Variants in FAM24B observed in about 807,000 individuals in gnomAD.
The protein encoded by FAM24B is family with sequence similarity 24 member B, also known as protein FAM24B.
A neutral mutation model predicts 2.3 loss-of-function variants in FAM24B; 3 were observed. The ratio of observed to expected loss-of-function variants is 1.29; its 90% CI spans 0.59 to 3.32. The LOEUF (loss-of-function observed/expected upper bound fraction) is 3.32. FAM24B is among the 30% of genes most tolerant of loss of function. The probability of loss-of-function intolerance (pLI) is 0.03; values close to 1 mark genes in which losing one functional copy is unlikely to be tolerated. For missense variants in FAM24B, 98 were observed against 117.2 expected (o/e 0.84, Z 0.76); for synonymous variants, 36 against 46.3 (o/e 0.78, Z 0.90).
Position 122,855,766 on chromosome 10 carries a change from A to G in FAM24B, c.-157T>C, listed in dbSNP as rs1847627963. The G allele has an allele frequency of 1.3e-5, 2 of 152,190 alleles. No homozygotes were observed. The highest frequency in any genetic ancestry group is 2.9e-5 in the Non-Finnish European group (2 of 68,050). The allele number at this position is 152,190 out of a possible 1,614,324, so 9.4% of individuals were successfully genotyped here. A position where few individuals can be genotyped will look rare whatever the true frequency, so the allele number is the denominator to read the frequency against. ...CAGGGTCTTCCAACTGCAGCTTCCC[A>G]TCTCACCACTTCTAAGGCAACTGGA... On this transcript the variant is annotated 5_prime_UTR_variant, in exon 2 of 4. It removes an upstream start codon present in the reference 5' UTR. Coordinates refer to ENST00000368898, the MANE Select transcript of FAM24B (RefSeq NM_152644.3).
chr10:122,851,050 T>C (rs1847526959), intron 2 of FAM24B, among the ~76,000 whole-genome samples: 2 of 152,238 alleles, frequency 1.3e-5, no homozygotes, highest in South Asian at 4.1e-4. Flanking sequence ...TTGTAAATGA[T>C]GCATGTTTTA....
intron 1 of FAM24B, among the ~76,000 whole-genome samples, chr10:122,870,996 G>T (rs1344387847): frequency 6.6e-6 from 1 of 152,162 alleles, no homozygotes; most frequent in Non-Finnish European, 1.5e-5. Context: ...AAGTCAAATT[G>T]TCCCTGTTTG....
At chr10:122,864,644 T>C (rs748346980) in intron 1 of FAM24B, among the ~76,000 whole-genome samples, 1 of 152,200 alleles carries the variant, frequency 6.6e-6, no homozygotes, top group Non-Finnish European at 1.5e-5. Context: ...TCTGGACAAA[T>C]GCACATATCC....
intron 1 of FAM24B, among the ~76,000 whole-genome samples, chr10:122,864,195 A>G (rs2133834144): frequency 6.6e-6 from 1 of 152,354 alleles, no homozygotes; most frequent in East Asian, 1.9e-4. Context: ...ACCATTTAAT[A>G]CAAGAAAGCC....
At chr10:122,854,117 A>G (rs1196517632) in intron 2 of FAM24B, among the ~76,000 whole-genome samples, 2 of 152,192 alleles carry the variant, frequency 1.3e-5, no homozygotes, top group African/African-American at 4.8e-5. Flanking sequence ...CTGAGCCTCT[A>G]AATTTAGACA....
In FAM24B at chr10:122,854,007, C is replaced by A. The variant is rs144802000; in HGVS notation, c.-36+1638G>T. Among the ~76,000 whole-genome samples the A allele has an allele frequency of 2.9e-3, 447 of 152,216 alleles. 4 individuals are homozygous for A. Among genetic ancestry groups the A allele is most frequent in the Middle Eastern group, 0.014 (4 of 294 alleles). The stretch of plus-strand genomic sequence containing the variant: ...CTCTGTGGGGGCAGGAGCTCTGCAA[C>A]CCTAGGTATCAGAGAACCTAGAACC... On this transcript the variant is annotated intron_variant, in intron 2 of 3. Coordinates refer to ENST00000368898, the MANE Select transcript of FAM24B (RefSeq NM_152644.3).
chr10:122,852,209 G>C (rs1017760867), intron 2 of FAM24B, among the ~76,000 whole-genome samples: 4 of 152,148 alleles, frequency 2.6e-5, no homozygotes, highest in African/African-American at 9.7e-5. Context: ...AAGTCAACCA[G>C]AAAATTGAAG....
intron 2 of FAM24B, chr10:122,850,806 C>T: frequency 5.8e-6 from 2 of 344,870 alleles, no homozygotes; most frequent in South Asian, 7.0e-5. Context: ...ATCAGAAGGA[C>T]AAACAGTGGG....
chr10:122,850,422 A>G lies in FAM24B; in HGVS notation c.92+2T>C, dbSNP rs1311041794. The G allele has an allele frequency of 1.2e-6, 2 of 1,613,004 alleles. No homozygotes were observed. Among genetic ancestry groups the G allele is most frequent in the South Asian group, 1.1e-5 (1 of 91,040 alleles). On this transcript the variant is annotated splice_donor_variant, in intron 3 of 3. Transcript: ENST00000368898. LOFTEE classifies it high-confidence loss of function. ...GTTGTTTATTTTGAACTTGTGACTC[A>G]CTTTAGCGCGTTGTGTATTTTGAAG...
chr10:122,873,620 A>G (rs528165997), intron 1 of FAM24B, among the ~76,000 whole-genome samples: 1 of 152,230 alleles, frequency 6.6e-6, no homozygotes, highest in South Asian at 2.1e-4. Flanking sequence ...TACATTTCAT[A>G]AGGCTTTAGT....
At chr10:122,849,537 G>A in intron 3 of FAM24B, 98 bp from the exon 4 acceptor site, 1 of 1,115,840 alleles carries the variant, frequency 9.0e-7, no homozygotes. Flanking sequence ...TAGTGCTGAA[G>A]CCAGTCAAAC....
Position 122,849,277 on chromosome 10 carries a change from A to G in FAM24B, c.255T>C (p.Pro85=). Reference sequence around the variant, plus strand: ...GGCCCTCATTTATGTCGCAACAGCAAGGTGGCAGGGAATCAAAACTGGCAC... The same window carrying G: ...GGCCCTCATTTATGTCGCAACAGCAGGGTGGCAGGGAATCAAAACTGGCAC... ...RMCASFDSLP[P]CCCDINEGL The change falls in exon 4 of 4, where the codon CCT becomes CCC. Residue 85 remains proline, a synonymous_variant. Coordinates refer to ENST00000368898, the MANE Select transcript of FAM24B (RefSeq NM_152644.3). 6.3e-7 allele frequency: 1 copy of G among 1,580,484 alleles called. No individual in the cohort carries two copies. The highest frequency in any genetic ancestry group is 8.6e-7 in the Non-Finnish European group (1 of 1,160,524).
chr10:122,861,272 T>C (rs1278017249), intron 1 of FAM24B, among the ~76,000 whole-genome samples: 1 of 152,226 alleles, frequency 6.6e-6, no homozygotes, highest in African/African-American at 2.4e-5. Context: ...ACTTTGCCTT[T>C]GAAAATTTTT....
chr10:122,864,524 C>A lies in FAM24B; in HGVS notation c.-177-8738G>T, dbSNP rs533269055. Among the ~76,000 whole-genome samples the A allele has an allele frequency of 3.8e-4, 58 of 152,250 alleles. 1 individual carries two copies. The highest frequency in any genetic ancestry group is 7.8e-4 in the Non-Finnish European group (53 of 68,016). On this transcript the variant is annotated intron_variant, in intron 1 of 3. Transcript: ENST00000368898. ...AAGTAACTTTGACAAGAAAAAACAT[C>A]TTGTATTACTGTGGTGCATTTGTTA...
intron 1 of FAM24B, among the ~76,000 whole-genome samples, chr10:122,870,144 A>G (rs1378798637): frequency 6.6e-6 from 1 of 152,234 alleles, no homozygotes. Flanking sequence ...ACCATCAGAG[A>G]ATACTATAAA....
chr10:122,858,175 T>C (rs982244405), intron 1 of FAM24B, among the ~76,000 whole-genome samples: 17 of 152,156 alleles, frequency 1.1e-4, no homozygotes, highest in Non-Finnish European at 1.9e-4. Context: ...AATGATAGAC[T>C]GGATTAAGAA....
rs372813313 is a variant in FAM24B at position 122,878,516 on chromosome 10, ACTGAAAC to A, written c.-178+962_-178+968del. 7.8e-4 allele frequency among the ~76,000 whole-genome samples: 119 copies of A among 152,078 alleles called. 1 individual carries two copies. The East Asian group carries it at 0.021, about 27-fold the overall frequency. On this transcript the variant is annotated intron_variant, in intron 1 of 3. Coordinates refer to ENST00000368898, the MANE Select transcript of FAM24B (RefSeq NM_152644.3). The stretch of plus-strand genomic sequence containing the variant: ...CACTGTACTCCAGCCTGGGTGACAG[ACTGAAAC>A]TCCATCTCAAAAGAAAAAAAAAAGT...
At chr10:122,852,752 T>C (rs887471182) in intron 2 of FAM24B, among the ~76,000 whole-genome samples, 4 of 152,292 alleles carry the variant, frequency 2.6e-5, no homozygotes, top group African/African-American at 4.8e-5. Flanking sequence ...GAGGGGTGCT[T>C]TGGGACACTT....
At chr10:122,851,162 T>G (rs193276695) in intron 2 of FAM24B, among the ~76,000 whole-genome samples, 1 of 152,350 alleles carries the variant, frequency 6.6e-6, no homozygotes, top group African/African-American at 2.4e-5. Flanking sequence ...TTAGTTTAAC[T>G]TTCTGAAACT....
Sources: allele counts gnomAD v4.1 joint callset (sites outside exome capture counted in the v4.1 genomes callset), GRCh38; gene constraint gnomAD v4.1.1; transcripts MANE v1.5; gene names NCBI Gene and HGNC (gene_info 2026-07-23, HGNC 2026-07-21).